The following DOCK7 variants were observed in gnomAD, a reference collection of about 807,000 sequenced individuals.
DOCK7 encodes dedicator of cytokinesis 7, also known as dedicator of cytokinesis protein 7.
In DOCK7, 138 loss-of-function variants were observed where a neutral mutation model predicts 271.0. The observed-to-expected ratio is 0.51, with a 90% CI of 0.44 to 0.59. The LOEUF (loss-of-function observed/expected upper bound fraction) is 0.59, where lower values mean the gene tolerates loss of function less well. DOCK7 is among the 20% of genes least tolerant of loss of function. The pLI, the probability that DOCK7 is intolerant of heterozygous loss-of-function variation, is 0.00. For missense variants in DOCK7, 2,066 were observed against 2,592.4 expected (o/e 0.80, Z 4.41); for synonymous variants, 823 against 876.1 (o/e 0.94, Z 1.07).
chr1:62,576,935 G>T (rs1032154238), intron 18 of DOCK7, among the ~76,000 whole-genome samples: 2 of 151,994 alleles, frequency 1.3e-5, no homozygotes, highest in African/African-American at 2.4e-5. Flanking sequence ...AAATAAAAAA[G>T]AAATATTCAT....
intron 1 of DOCK7, among the ~76,000 whole-genome samples, chr1:62,680,101 C>T (rs1660947776): frequency 2.0e-5 from 3 of 152,134 alleles, no homozygotes; most frequent in Admixed American, 1.3e-4. Flanking sequence ...GCCAAAAGAA[C>T]AAAGCTGGAG....
At chr1:62,581,724 C>T (rs1433200944) in intron 16 of DOCK7, among the ~76,000 whole-genome samples, 1 of 151,152 alleles carries the variant, frequency 6.6e-6, no homozygotes, top group Non-Finnish European at 1.5e-5. Flanking sequence ...GAATGCCTTA[C>T]ACTTACGGGA....
At chr1:62,557,053 T>C (rs1438781786) in intron 20 of DOCK7, among the ~76,000 whole-genome samples, 1 of 123,182 alleles carries the variant, frequency 8.1e-6, no homozygotes, top group Non-Finnish European at 1.6e-5. Context: ...CTCATGTTTT[T>C]CTTTTTCTTT....
intron 7 of DOCK7, among the ~76,000 whole-genome samples, chr1:62,647,167 T>C (rs866333621): frequency 2.6e-5 from 4 of 152,286 alleles, no homozygotes; most frequent in African/African-American, 9.6e-5. Flanking sequence ...ACTTATAATA[T>C]TAACATGACA....
At chr1:62,557,884 A>C (rs1266903973) in intron 20 of DOCK7, among the ~76,000 whole-genome samples, 1 of 151,932 alleles carries the variant, frequency 6.6e-6, no homozygotes, top group Non-Finnish European at 1.5e-5. Flanking sequence ...CCCATGTTTT[A>C]ACAGGAACTC....
chr1:62,551,779 C>T (rs1001603571), intron 22 of DOCK7, among the ~76,000 whole-genome samples: 1 of 151,238 alleles, frequency 6.6e-6, no homozygotes, highest in Non-Finnish European at 1.5e-5. Flanking sequence ...AAGAAACTAC[C>T]TTGTATTTAT....
chr1:62,688,180 C>A, intron 1 of DOCK7, 47 bp downstream of exon 1: 1 of 1,352,578 alleles, frequency 7.4e-7, no homozygotes, highest in Non-Finnish European at 9.6e-7. Context: ...GACTCCGCGG[C>A]TCTTTCTCGG....
intron 14 of DOCK7, chr1:62,603,966 C>A: frequency 6.2e-7 from 1 of 1,612,418 alleles, no homozygotes; most frequent in South Asian, 1.1e-5. Context: ...CTTTTCTTTT[C>A]AGGAGAATTT....
chr1:62,492,787 C>T lies in DOCK7; in HGVS notation c.5278G>A (p.Glu1760Lys). 6.2e-7 allele frequency: 1 copy of T among 1,613,774 alleles called. No homozygotes were observed. The highest frequency in any genetic ancestry group is 8.5e-7 in the Non-Finnish European group (1 of 1,179,716). Residue 1760 changes from glutamate to lysine, a missense_variant, in exon 41 of 50, where the codon GAA becomes AAA. Coordinates refer to ENST00000635253, the MANE Select transcript of DOCK7 (RefSeq NM_001367561.1). ...TATTTTCCAGAGCAGATACCTTCTT[C>T]ATCTGGAGATACCACATCATCTGAG... ...AVSDDVVSPD[E>K]EGICSGKYFT... is the part of the protein sequence containing the mutation.
At chr1:62,600,774 T>C (rs1649995896) in intron 14 of DOCK7, among the ~76,000 whole-genome samples, 1 of 151,864 alleles carries the variant, frequency 6.6e-6, no homozygotes, top group Non-Finnish European at 1.5e-5. Context: ...TTTATTCATA[T>C]AAATAAAAGA....
chr1:62,457,492 G>C (rs1645380221), intron 49 of DOCK7, 46 bp downstream of exon 49: 2 of 1,567,270 alleles, frequency 1.3e-6, no homozygotes, highest in Non-Finnish European at 1.7e-6. Context: ...TAACATGTTA[G>C]GTTTCAGAGG....
intron 7 of DOCK7, among the ~76,000 whole-genome samples, chr1:62,636,832 TAAACTC>T (rs1655335916): frequency 6.6e-6 from 1 of 152,174 alleles, no homozygotes. Context: ...CAGCTACAAA[TAAACTC>T]AAACTACCTA....
intron 14 of DOCK7, among the ~76,000 whole-genome samples, chr1:62,589,027 CCA>C (rs1648025428): frequency 6.6e-6 from 1 of 152,196 alleles, no homozygotes; most frequent in African/African-American, 2.4e-5. Flanking sequence ...CAGGCACAAG[CCA>C]CAGTCCCCAG....
At chr1:62,687,768 T>C (rs1285641896) in intron 1 of DOCK7, 2 of 149,436 alleles carry the variant, frequency 1.3e-5, no homozygotes, top group Non-Finnish European at 3.0e-5. Context: ...TCTCCTTTTG[T>C]TGGGGTGGAG....
At chr1:62,516,130 A>G (rs1644655751) in intron 31 of DOCK7, among the ~76,000 whole-genome samples, 1 of 152,246 alleles carries the variant, frequency 6.6e-6, no homozygotes, top group Admixed American at 6.5e-5. Context: ...AGGAGGAAAT[A>G]TAAGACAATA....
At chr1:62,546,436 C>G (rs11207983) in intron 22 of DOCK7, among the ~76,000 whole-genome samples, 13 of 151,762 alleles carry the variant, frequency 8.6e-5, no homozygotes, top group African/African-American at 3.2e-4. Flanking sequence ...TTGACAGTGA[C>G]TGTCTAATAT....
At chr1:62,601,985 A>T in intron 14 of DOCK7, 1 of 686,134 alleles carries the variant, frequency 1.5e-6, no homozygotes, top group Non-Finnish European at 2.6e-6. Flanking sequence ...ATATATATGA[A>T]ATATATATGA....
chr1:62,618,254 A>T (rs940489754), intron 14 of DOCK7, among the ~76,000 whole-genome samples: 4 of 152,194 alleles, frequency 2.6e-5, no homozygotes, highest in Non-Finnish European at 5.9e-5. Context: ...ATTTATTAGA[A>T]CATAATGCAG....
At position 62,578,247 on chromosome 1, in the gene DOCK7, C is replaced by G. The variant is rs868175353; in HGVS notation, c.2010+581G>C. ...AGTCTATGAACCTATTATATTTATA[C>G]TGCATTGTTGGGTATACACCTAATA... On this transcript the variant is annotated intron_variant, in intron 17 of 49. Coordinates refer to ENST00000635253, the MANE Select transcript of DOCK7 (RefSeq NM_001367561.1). Among the ~76,000 whole-genome samples the G allele has an allele frequency of 2.0e-5, 3 of 152,138 alleles. No homozygotes were observed. The South Asian group carries it at 6.2e-4, about 31-fold the overall frequency.
Sources: gnomAD v4.1 joint callset for allele counts (sites outside exome capture counted in the v4.1 genomes callset) on GRCh38, gnomAD v4.1.1 for gene constraint, MANE v1.5 for transcripts, NCBI Gene and HGNC (gene_info 2026-07-23, HGNC 2026-07-21) for gene names.